Variants in ZFP2 observed in about 807,000 individuals in gnomAD.
ZFP2 encodes the protein ZFP2 zinc finger protein.
A neutral mutation model predicts 36.1 loss-of-function variants in ZFP2; 33 were observed. The observed-to-expected ratio is 0.92, with a 90% confidence interval of 0.69 to 1.22. ZFP2 has a LOEUF of 1.22. Among genes scored for constraint, ZFP2 ranks in the 50% most tolerant of loss-of-function variants. ZFP2 has a pLI of 0.00. For synonymous variants in ZFP2, 170 were observed against 178.0 expected (o/e 0.96, Z 0.36); for missense variants, 522 against 551.4 (o/e 0.95, Z 0.53).
rs1758437492 is a variant in ZFP2, at chr5:178,916,648, T to C, written c.-140T>C. ...CCAGTCAAGGGGAGAAAGTATTGACTGAGTGCTGTGCTCAGCTCTTCCACA... is the reference window on the plus strand; with the variant it reads ...CCAGTCAAGGGGAGAAAGTATTGACCGAGTGCTGTGCTCAGCTCTTCCACA... On this transcript the variant is annotated 5_prime_UTR_variant, in exon 4 of 5. The change abolishes the stop of an existing upstream ORF in the 5' untranslated region. Coordinates refer to ENST00000361362, the MANE Select transcript of ZFP2 (RefSeq NM_030613.4). 1.0e-6 allele frequency: 1 copy of C among 985,436 alleles called. No individual in the cohort carries two copies. Among genetic ancestry groups the C allele is most frequent in the African/African-American group, 1.7e-5 (1 of 57,348 alleles). 61.0% of individuals were successfully genotyped at this position (985,436 alleles called of 1,614,324 possible). A position where few individuals can be genotyped will look rare whatever the true frequency, so the allele number is the denominator to read the frequency against.
At chr5:178,898,095 TCTCCTGCCTCAGA>T (rs1757978704) in intron 1 of ZFP2, among the ~76,000 whole-genome samples, 1 of 152,160 alleles carries the variant, frequency 6.6e-6, no homozygotes, top group Non-Finnish European at 1.5e-5. Flanking sequence ...TTCAAGTGAT[TCTCCTGCCTCAGA>T]CTCCTGAGTG....
At chr5:178,908,405 C>T (rs1346326297) in intron 1 of ZFP2, among the ~76,000 whole-genome samples, 1 of 151,484 alleles carries the variant, frequency 6.6e-6, no homozygotes, top group Non-Finnish European at 1.5e-5. Flanking sequence ...CGAGATTGCG[C>T]CACTGCACTC....
rs1268764026 is a variant in ZFP2 at position 178,932,237 on chromosome 5, C to T, written c.924C>T (p.Ser308=). ...GTAACAAATGCGGGAAATCCTTTAG[C>T]CAAAGTACATATCTTATAGAACATC... ...YKCNKCGKSF[S]QSTYLIEHQR... The change falls in exon 5 of 5, where the codon AGC becomes AGT. Residue 308 remains serine, a synonymous_variant. Transcript: ENST00000361362. 22 of 1,613,952 alleles carry T rather than the reference C, an allele frequency of 1.4e-5. No homozygotes were observed. The highest frequency in any genetic ancestry group is 1.8e-5 in the Non-Finnish European group (21 of 1,180,014).
intron 4 of ZFP2, among the ~76,000 whole-genome samples, chr5:178,921,594 C>T (rs1020922520): frequency 6.7e-6 from 1 of 149,428 alleles, no homozygotes; most frequent in Non-Finnish European, 1.5e-5. Context: ...GGCAATTCCC[C>T]CTGCTCTCTC....
rs11292713 is a variant in ZFP2 at position 178,924,372 on chromosome 5, CAA to C, written c.-77-6850_-77-6849del. Reference sequence around the variant, plus strand: ...TGCATGACAGAGAGAGACTCTGTCTCAAAAAAAAAAAAAAAAGAAACCTGCCC... The same window carrying C: ...TGCATGACAGAGAGAGACTCTGTCTCAAAAAAAAAAAAAAGAAACCTGCCC... On this transcript the variant is annotated intron_variant, in intron 4 of 4. Coordinates refer to ENST00000361362, the MANE Select transcript of ZFP2 (RefSeq NM_030613.4). Among the ~76,000 whole-genome samples, 577 of 110,836 alleles carry C rather than the reference CAA, an allele frequency of 5.2e-3. 7 individuals are homozygous for C. Among genetic ancestry groups the C allele is most frequent in the African/African-American group, 0.011 (356 of 32,670 alleles). The allele number at this position is 110,836 out of a possible 152,430, so 72.7% of individuals were successfully genotyped here. A position where few individuals can be genotyped will look rare whatever the true frequency, so the allele number is the denominator to read the frequency against.
intron 4 of ZFP2, chr5:178,922,698 C>A: frequency 6.3e-7 from 1 of 1,583,180 alleles, no homozygotes; most frequent in South Asian, 1.1e-5. Flanking sequence ...GAATAGAAAG[C>A]AACTTACATA....
intron 1 of ZFP2, among the ~76,000 whole-genome samples, chr5:178,896,299 A>C (rs961249444): frequency 1.1e-4 from 17 of 152,212 alleles, no homozygotes; most frequent in African/African-American, 4.1e-4. Flanking sequence ...CACGCCGGCC[A>C]CCACGGGTCA....
intron 1 of ZFP2, among the ~76,000 whole-genome samples, chr5:178,900,478 C>T (rs1476324147): frequency 1.9e-5 from 1 of 52,010 alleles, no homozygotes; most frequent in East Asian, 6.2e-4. Context: ...TCCACGTCCC[C>T]CTCCCCAGCC....
At chr5:178,904,088 A>G (rs918943189) in intron 1 of ZFP2, among the ~76,000 whole-genome samples, 1 of 152,236 alleles carries the variant, frequency 6.6e-6, no homozygotes, top group Non-Finnish European at 1.5e-5. Flanking sequence ...TTTTAAATTT[A>G]CATCCTTGTG....
intron 1 of ZFP2, among the ~76,000 whole-genome samples, chr5:178,905,690 A>T (rs1372997940): frequency 6.6e-6 from 1 of 152,158 alleles, no homozygotes; most frequent in African/African-American, 2.4e-5. Flanking sequence ...GGAATAAAAC[A>T]TCTTAAGGAA....
chr5:178,909,050 A>C (rs1345174623), intron 1 of ZFP2, among the ~76,000 whole-genome samples: 1 of 146,084 alleles, frequency 6.8e-6, no homozygotes, highest in African/African-American at 2.5e-5. Flanking sequence ...GATGGAATCC[A>C]GGGCTCAGGG....
At chr5:178,914,745 G>T (rs1417060819) in intron 3 of ZFP2, among the ~76,000 whole-genome samples, 4 of 152,152 alleles carry the variant, frequency 2.6e-5, no homozygotes, top group Admixed American at 2.6e-4. Flanking sequence ...AAATAAAGCA[G>T]CATAAGAGAA....
In ZFP2 at chr5:178,932,348, G is replaced by A; in HGVS notation, c.1035G>A (p.Arg345=). The A allele has an allele frequency of 6.2e-7, 1 of 1,613,920 alleles. No individual in the cohort carries two copies. Among genetic ancestry groups the A allele is most frequent in the Non-Finnish European group, 8.5e-7 (1 of 1,179,972 alleles). ...FSKNSSLTQH[R]RIHTGEKPYE... ...AGAATTCATCTCTAACTCAACATCG[G>A]AGAATTCACACTGGAGAGAAACCTT... The change falls in exon 5 of 5, where the codon CGG becomes CGA. Residue 345 remains arginine, a synonymous_variant. Transcript: ENST00000361362.
chr5:178,929,827 T>A (rs1190501592), intron 4 of ZFP2, among the ~76,000 whole-genome samples: 2 of 152,038 alleles, frequency 1.3e-5, no homozygotes, highest in East Asian at 3.9e-4. Flanking sequence ...TCTGTATTAC[T>A]CAATTCTCAC....
At chr5:178,916,456 G>C (rs1758433967) in intron 3 of ZFP2, 109 bp from the exon 4 acceptor site, 1 of 596,942 alleles carries the variant, frequency 1.7e-6, no homozygotes, top group African/African-American at 2.0e-5. Flanking sequence ...ATCTGAAAGA[G>C]CAGAGAGGTG....
At chr5:178,918,045 C>T (rs1022667319) in intron 4 of ZFP2, among the ~76,000 whole-genome samples, 2 of 152,146 alleles carry the variant, frequency 1.3e-5, no homozygotes, top group Non-Finnish European at 1.5e-5. Context: ...AAATTGCAGA[C>T]GTTTTCTCTC....
chr5:178,931,407 G>T lies in ZFP2; in HGVS notation c.94G>T (p.Val32Leu). ...EGQQDSHLSQ[V>L]GVTHKETFTE... ...ACAACAGGATAGTCATCTGAGCCAA[G>T]TGGGAGTTACCCATAAGGAAACCTT... Residue 32 changes from valine (V) to leucine (L), a missense_variant, in exon 5 of 5, where the codon GTG (valine) becomes TTG (leucine). Transcript: ENST00000361362. The T allele has an allele frequency of 1.2e-6, 2 of 1,614,138 alleles. No homozygotes were observed.
intron 1 of ZFP2, among the ~76,000 whole-genome samples, chr5:178,897,313 A>G (rs952887391): frequency 6.6e-6 from 1 of 152,082 alleles, no homozygotes; most frequent in African/African-American, 2.4e-5. Flanking sequence ...TTACATTTGC[A>G]TTTTGAACAC....
In ZFP2 at chr5:178,922,075, C is replaced by T. The variant is rs140891626; in HGVS notation, c.-78+5365C>T. On this transcript the variant is annotated intron_variant, in intron 4 of 4. Coordinates refer to ENST00000361362, the MANE Select transcript of ZFP2 (RefSeq NM_030613.4). ...CCCAAGAAAACATCATGAAAGATAC[C>T]GATATCAAGAGACTACTGTATACCC... 1.9e-4 allele frequency: 181 copies of T among 949,320 alleles called. 6 individuals carry two copies. The African/African-American group carries it at 2.3e-3, about 12-fold the overall frequency. The allele number at this position is 949,320 out of a possible 1,614,324, so 58.8% of individuals were successfully genotyped here.
Sources: allele counts gnomAD v4.1 joint callset (sites outside exome capture counted in the v4.1 genomes callset), GRCh38; gene constraint gnomAD v4.1.1; transcripts MANE v1.5; gene names NCBI Gene and HGNC (gene_info 2026-07-23, HGNC 2026-07-21).